Variants in ACOX1 observed in about 807,000 individuals in gnomAD.
The protein encoded by ACOX1 is acyl-CoA oxidase 1.
In ACOX1, 41 loss-of-function variants were observed where a neutral mutation model predicts 75.5. The observed-to-expected ratio is 0.54, with a 90% CI of 0.42 to 0.70. The LOEUF (loss-of-function observed/expected upper bound fraction) is 0.70, where lower values mean the gene tolerates loss of function less well. Among genes scored for constraint, ACOX1 ranks in the 30% least tolerant of loss-of-function variants. The pLI, the probability that ACOX1 is intolerant of heterozygous loss-of-function variation, is 0.00. For synonymous variants in ACOX1, 303 were observed against 298.8 expected, an observed-to-expected ratio of 1.01 and a Z score of -0.15; for missense variants, 630 against 837.5, an observed-to-expected ratio of 0.75 and a Z score of 3.06.
chr17:75,965,507 A>ATT (rs57787276), intron 2 of ACOX1, among the ~76,000 whole-genome samples: 1 of 150,438 alleles, frequency 6.6e-6, no homozygotes, highest in Non-Finnish European at 1.5e-5. Context: ...TTCCTGTAGA[A>ATT]TTTTTTTTTA....
chr17:75,949,657 T>C, intron 10 of ACOX1, 57 bp from the exon 11 acceptor site: 8 of 1,613,348 alleles, frequency 5.0e-6, no homozygotes, highest in Non-Finnish European at 6.8e-6. Context: ...CATGCCTTCT[T>C]GCCATCTGTC....
rs373869608 is a variant in ACOX1 at position 75,968,142 on chromosome 17, A to G, written c.270-7767T>C. On this transcript the variant is annotated intron_variant, in intron 2 of 13. Coordinates refer to ENST00000293217, the MANE Select transcript of ACOX1 (RefSeq NM_004035.7). The stretch of plus-strand genomic sequence containing the variant: ...GAAATTAAAACATTAAGTGTTAGAA[A>G]TATATTAAAGTAGGCCAAGTGCAGT... Among the ~76,000 whole-genome samples, 18 of 151,954 alleles carry G rather than the reference A, an allele frequency of 1.2e-4. No individual in the cohort carries two copies. The East Asian group carries it at 2.7e-3, about 23-fold the overall frequency.
chr17:75,972,327 C>CAAA (rs58820718), intron 2 of ACOX1, among the ~76,000 whole-genome samples: 2,967 of 110,884 alleles, frequency 0.027, 38 homozygotes, highest in Middle Eastern at 0.044. Context: ...ACTCTGTCTC[C>CAAA]AAAAAAAAAA....
chr17:75,955,857 C>T lies in ACOX1; in HGVS notation c.629G>A (p.Arg210His), dbSNP rs372701360. 1.2e-5 allele frequency: 20 copies of T among 1,613,918 alleles called. No homozygotes were observed. Among genetic ancestry groups the T allele is most frequent in the African/African-American group, 4.0e-5 (3 of 74,884 alleles). Residue 210 changes from arginine to histidine, a missense_variant, in exon 5 of 14, where the codon CGT (arginine) becomes CAT (histidine). Transcript: ENST00000293217. Reference sequence around the variant, plus strand: ...CAAAGGCTTATGGGTCCCGATTTCACGAATAGGTACGATAAAGGCATGTAA... The same window carrying T: ...CAAAGGCTTATGGGTCCCGATTTCATGAATAGGTACGATAAAGGCATGTAA... ...YGLHAFIVPI[R>H]EIGTHKPLPG...
At position 75,979,040 on chromosome 17, in the gene ACOX1, CG is replaced by C. The variant is rs758857773; in HGVS notation, c.33del (p.Ala12ProfsTer28). Reference protein sequence around the residue: MNPDLRRERDSASFNPELLTH... With the variant: MNPDLRRERDXASFNPELLTH... ...GTAAGCAGCTCCGGGTTGAAGCTGGCGGAATCCCGCTCCCTGCGCAGGTCCG... is the reference window on the plus strand; with the variant it reads ...GTAAGCAGCTCCGGGTTGAAGCTGGCGAATCCCGCTCCCTGCGCAGGTCCG... On this transcript the variant is annotated frameshift_variant, in exon 1 of 14. Coordinates refer to ENST00000293217, the MANE Select transcript of ACOX1 (RefSeq NM_004035.7). LOFTEE classifies it high-confidence loss of function. The C allele has an allele frequency of 1.2e-6, 2 of 1,612,372 alleles. No homozygotes were observed. Among genetic ancestry groups the C allele is most frequent in the Admixed American group, 3.3e-5 (2 of 60,024 alleles).
chr17:75,950,967 G>A lies in ACOX1; in HGVS notation c.1108-3C>T. On this transcript the variant is annotated splice_region_variant and splice_polypyrimidine_tract_variant and intron_variant, in intron 8 of 13. Transcript: ENST00000293217. The surrounding 1 kb of genome is among the most constrained non-coding windows in gnomAD (Gnocchi z 4.3). ...AGTCCAGCGGTGAGGGCATGAAGCTGAGAGGACAAGCACAGATCTGTCAGG... is the reference window on the plus strand; with the variant it reads ...AGTCCAGCGGTGAGGGCATGAAGCTAAGAGGACAAGCACAGATCTGTCAGG... The A allele has an allele frequency of 1.2e-6, 2 of 1,613,734 alleles. No homozygotes were observed. Among genetic ancestry groups the A allele is most frequent in the Non-Finnish European group, 1.7e-6 (2 of 1,179,860 alleles).
At chr17:75,963,999 C>T (rs1197406283) in intron 2 of ACOX1, among the ~76,000 whole-genome samples, 1 of 151,398 alleles carries the variant, frequency 6.6e-6, no homozygotes, top group African/African-American at 2.4e-5. Flanking sequence ...GCCTGGGCAA[C>T]ATGGTGAAAC....
chr17:75,955,638 C>T lies in ACOX1; in HGVS notation c.702G>A (p.Glu234=), dbSNP rs1395034782. The part of the protein sequence containing the change: ...GDIGPKFGYD[E]IDNGYLKMDN... ...CCATTTTGAGGTAGCCATTGTCTAT[C>T]TCATCATAACCAAATTTGGGGCCGA... The change falls in exon 6 of 14, where the codon GAG becomes GAA. Residue 234 remains glutamate, a synonymous_variant. Transcript: ENST00000293217. The T allele has an allele frequency of 1.2e-6, 2 of 1,614,072 alleles. No homozygotes were observed. The highest frequency in any genetic ancestry group is 1.3e-5 in the African/African-American group (1 of 74,922).
In ACOX1 at chr17:75,946,545, G is replaced by A; in HGVS notation, c.*203C>T. 1.7e-6 allele frequency: 1 copy of A among 571,654 alleles called. No individual in the cohort carries two copies. Among genetic ancestry groups the A allele is most frequent in the Non-Finnish European group, 3.2e-6 (1 of 317,276 alleles). The allele number at this position is 571,654 out of a possible 1,614,324, so 35.4% of individuals were successfully genotyped here. A position where few individuals can be genotyped will look rare whatever the true frequency, so the allele number is the denominator to read the frequency against. On this transcript the variant is annotated 3_prime_UTR_variant, in exon 14 of 14. Transcript: ENST00000293217. Reference sequence around the variant, plus strand: ...TAAGCTTTTTCTGAATGGTTTAACAGGTCTCTTTCAGTGTTAATTGCACTT... The same window carrying A: ...TAAGCTTTTTCTGAATGGTTTAACAAGTCTCTTTCAGTGTTAATTGCACTT...
Position 75,960,157 on chromosome 17 carries a change from C to T in ACOX1, c.430+58G>A. 1 of 1,607,052 alleles carries T rather than the reference C, an allele frequency of 6.2e-7. No individual in the cohort carries two copies. The highest frequency in any genetic ancestry group is 8.5e-7 in the Non-Finnish European group (1 of 1,175,088). On this transcript the variant is annotated intron_variant, in intron 3 of 13. Coordinates refer to ENST00000293217, the MANE Select transcript of ACOX1 (RefSeq NM_004035.7). The surrounding 1 kb of genome is among the most constrained non-coding windows in gnomAD (Gnocchi z 4.4). ...TCGATGGCACATGGTGGGCACTCCA[C>T]ACATGGTAAGCTCACAGGGGCCCGC...
chr17:75,949,166 T>C (rs2065750051), intron 12 of ACOX1, 51 bp downstream of exon 12: 8 of 1,610,574 alleles, frequency 5.0e-6, no homozygotes, highest in Non-Finnish European at 6.8e-6. Context: ...AGCCAACAAT[T>C]ATTTTTCTTA....
rs1244898454 is a variant in ACOX1 at position 75,978,130 on chromosome 17, T to C, written c.269+404A>G. ...TATTTTTTGAGATGGAGTCTCGCAC[T>C]CTTGCCCAGGCTGGAGTGCAGTGGC... On this transcript the variant is annotated intron_variant, in intron 2 of 13. Coordinates refer to ENST00000293217, the MANE Select transcript of ACOX1 (RefSeq NM_004035.7). The surrounding 1 kb of genome is among the most constrained non-coding windows in gnomAD (Gnocchi z 4.2). 6.6e-6 allele frequency among the ~76,000 whole-genome samples: 1 copy of C among 151,260 alleles called. No homozygotes were observed. Among genetic ancestry groups the C allele is most frequent in the Admixed American group, 6.6e-5 (1 of 15,140 alleles).
At position 75,960,084 on chromosome 17, in the gene ACOX1, T is replaced by G; in HGVS notation, c.430+131A>C. 8.9e-7 allele frequency: 1 copy of G among 1,122,700 alleles called. No homozygotes were observed. The highest frequency in any genetic ancestry group is 1.3e-6 in the Non-Finnish European group (1 of 774,788). 69.5% of individuals were successfully genotyped at this position (1,122,700 alleles called of 1,614,324 possible). ...GCAGTGTTTATACCAAAACCTGGAC[T>G]CTGCAGAAAGAGCTCATTTAAACAG... On this transcript the variant is annotated intron_variant, in intron 3 of 13. Coordinates refer to ENST00000293217, the MANE Select transcript of ACOX1 (RefSeq NM_004035.7). This position sits in a 1 kb window ranked among gnomAD's most constrained non-coding sequence, Gnocchi z 4.4.
rs752375436 is a variant in ACOX1 at position 75,957,487 on chromosome 17, C to T, written c.510G>A (p.Val170=). Residue 170 remains valine (V), a synonymous_variant, in exon 4 of 14, where the codon GTG becomes GTA. Coordinates refer to ENST00000293217, the MANE Select transcript of ACOX1 (RefSeq NM_004035.7). ...TQEFILNSPT[V]TSIKWWPGGL... Reference sequence around the variant, plus strand: ...CACCAGGCCACCATTTAATGGAGGTCACAGTAGGACTGTTGAGAATGAACT... The same window carrying T: ...CACCAGGCCACCATTTAATGGAGGTTACAGTAGGACTGTTGAGAATGAACT... The T allele has an allele frequency of 3.1e-6, 5 of 1,614,090 alleles. No homozygotes were observed. In the East Asian group the frequency reaches 1.1e-4, roughly 36 times the overall value.
chr17:75,967,621 TATATATATACATAC>T (rs1473090017), intron 2 of ACOX1, among the ~76,000 whole-genome samples: 27 of 92,012 alleles, frequency 2.9e-4, no homozygotes, highest in Middle Eastern at 5.1e-3. Flanking sequence ...TATACATACA[TATATATATACATAC>T]ATATATATAC....
rs565786912 is a variant in ACOX1 at position 75,950,592 on chromosome 17, T to C, written c.1298+182A>G. On this transcript the variant is annotated intron_variant, in intron 9 of 13. Transcript: ENST00000293217. The surrounding 1 kb of genome is among the most constrained non-coding windows in gnomAD (Gnocchi z 4.3). ...ATACAACTGCAAGCTATGTAACAGG[T>C]GCTTCATACTCTCTAGCCTCACCAC... 1.3e-5 allele frequency among the ~76,000 whole-genome samples: 2 copies of C among 152,182 alleles called. No homozygotes were observed. The highest frequency in any genetic ancestry group is 4.8e-5 in the African/African-American group (2 of 41,526).
At chr17:75,956,872 C>CTA (rs2144258247) in intron 4 of ACOX1, among the ~76,000 whole-genome samples, 1 of 134,618 alleles carries the variant, frequency 7.4e-6, no homozygotes, top group Non-Finnish European at 1.6e-5. Context: ...GTAGCCAGGA[C>CTA]TATAGGTCTA....
chr17:75,950,919 C>T lies in ACOX1; in HGVS notation c.1153G>A (p.Ala385Thr), dbSNP rs2065768349. 6.2e-6 allele frequency: 10 copies of T among 1,614,162 alleles called. No individual in the cohort carries two copies. In the East Asian group the frequency reaches 2.0e-4, roughly 32 times the overall value. ...CGACATGCTTCAATGCCAGTGTTTG[C>T]AGTCCAGGAGGTGAAAGCCTTCAGT... ...AGLKAFTSWT[A>T]NTGIEACRMA... is the part of the protein sequence containing the mutation. Residue 385 changes from alanine to threonine, a missense_variant, in exon 9 of 14, where the codon GCA (alanine) becomes ACA (threonine). This residue lies in a region of ACOX1 where 390 missense variants were observed against 574.9 expected (regional missense o/e 0.68). Transcript: ENST00000293217. The surrounding 1 kb of genome is among the most constrained non-coding windows in gnomAD (Gnocchi z 4.3).
chr17:75,949,264 G>A lies in ACOX1; in HGVS notation c.1681C>T (p.Leu561=). Residue 561 remains leucine, a synonymous_variant, in exon 12 of 14, where the codon CTG becomes TTG. Transcript: ENST00000293217. ...TGACTGATTCCATACAGAGAATACA[G>A]CAGACATAAACTCCTTAAGACAGCT... ...IQAVLRSLCL[L]YSLYGISQNA... is the part of the protein sequence containing the mutation. 1 of 1,614,222 alleles carries A rather than the reference G, an allele frequency of 6.2e-7. No homozygotes were observed. Among genetic ancestry groups the A allele is most frequent in the South Asian group, 1.1e-5 (1 of 91,084 alleles).
Sources: gnomAD v4.1 joint callset for allele counts (sites outside exome capture counted in the v4.1 genomes callset) on GRCh38, gnomAD v4.1.1 for gene constraint, gnomAD v4.1.1 regional missense constraint, Gnocchi (gnomAD v3.1) non-coding constraint, MANE v1.5 for transcripts, NCBI Gene and HGNC (gene_info 2026-07-23, HGNC 2026-07-21) for gene names.